Variants in PRKG1 observed in about 807,000 individuals in gnomAD.
PRKG1 encodes protein kinase cGMP-dependent 1, also known as cGMP-dependent protein kinase 1.
In PRKG1, 35 loss-of-function variants were observed where a neutral mutation model predicts 88.1. The observed-to-expected ratio is 0.40, with a 90% CI of 0.30 to 0.53. The LOEUF is 0.53. Ranked by LOEUF, PRKG1 falls within the 20% of genes least tolerant of loss-of-function variation. The pLI, the probability that PRKG1 is intolerant of heterozygous loss-of-function variation, is 0.59. For missense variants in PRKG1, 540 were observed against 839.8 expected (o/e 0.64, Z 4.41); for synonymous variants, 303 against 292.5 (o/e 1.04, Z -0.37).
Position 51,289,977 on chromosome 10 carries a change from G to A in PRKG1, c.478+136647G>A, listed in dbSNP as rs148223896. Among the ~76,000 whole-genome samples the A allele has an allele frequency of 5.0e-3, 756 of 152,186 alleles. 7 individuals are homozygous for A. The highest frequency in any genetic ancestry group is 0.031 in the Middle Eastern group (9 of 294). On this transcript the variant is annotated intron_variant, in intron 2 of 17. Transcript: ENST00000373980. ...TTTTTGGATGGTATTCTCTTTTGCA[G>A]GTTCAGTTTTTGACTTAGACACCTT...
chr10:51,469,807 A>G (rs777781712), intron 3 of PRKG1, among the ~76,000 whole-genome samples: 49 of 152,034 alleles, frequency 3.2e-4, no homozygotes, highest in Non-Finnish European at 6.0e-4. Flanking sequence ...TACTTAAGAT[A>G]TAAAAGTTGT....
intron 3 of PRKG1, among the ~76,000 whole-genome samples, chr10:51,760,290 A>T (rs1333734535): frequency 1.3e-5 from 2 of 152,186 alleles, no homozygotes; most frequent in African/African-American, 2.4e-5. Flanking sequence ...ACTGTCAGTA[A>T]GCATGATAAA....
chr10:52,265,337 T>C (rs574490842), intron 10 of PRKG1, among the ~76,000 whole-genome samples: 1 of 152,270 alleles, frequency 6.6e-6, no homozygotes, highest in South Asian at 2.1e-4. Flanking sequence ...TATGGGACTT[T>C]TGCATAATAA....
At chr10:51,349,828 G>A (rs537387024) in intron 2 of PRKG1, among the ~76,000 whole-genome samples, 24 of 152,120 alleles carry the variant, frequency 1.6e-4, no homozygotes, top group African/African-American at 5.8e-4. Flanking sequence ...TCTTTAAGCT[G>A]AGTACACATT....
chr10:51,758,082 A>G (rs1837916983), intron 3 of PRKG1, among the ~76,000 whole-genome samples: 1 of 152,196 alleles, frequency 6.6e-6, no homozygotes, highest in South Asian at 2.1e-4. Flanking sequence ...AAATTACACA[A>G]TTTATCACAT....
chr10:52,022,137 T>C (rs1256869761), intron 5 of PRKG1, among the ~76,000 whole-genome samples: 2 of 152,216 alleles, frequency 1.3e-5, no homozygotes, highest in Non-Finnish European at 2.9e-5. Flanking sequence ...AAATGACTGA[T>C]ACTCTACAGT....
chr10:52,251,541 T>C (rs1841169063), intron 9 of PRKG1, 29 bp from the exon 10 acceptor site: 4 of 1,585,836 alleles, frequency 2.5e-6, no homozygotes, highest in Admixed American at 3.3e-5. Context: ...CTCTAAGAAA[T>C]TTCCATTTTT....
At chr10:52,045,637 T>C (rs1051055348) in intron 5 of PRKG1, among the ~76,000 whole-genome samples, 1 of 152,072 alleles carries the variant, frequency 6.6e-6, no homozygotes, top group Non-Finnish European at 1.5e-5. Flanking sequence ...CTAGGCAAGT[T>C]TGGTGTCTTG....
Position 52,042,669 on chromosome 10 carries a change from A to AT in PRKG1, c.763-11809dup, listed in dbSNP as rs1182962560. Reference sequence around the variant, plus strand: ...CTTCATTACATTGATCTGGGCAATAATTTTTTAGTAAAACCTCAAAAGCAC... The same window carrying AT: ...CTTCATTACATTGATCTGGGCAATAATTTTTTTAGTAAAACCTCAAAAGCAC... On this transcript the variant is annotated intron_variant, in intron 5 of 17. Coordinates refer to ENST00000373980, the MANE Select transcript of PRKG1 (RefSeq NM_006258.4). Among the ~76,000 whole-genome samples the AT allele has an allele frequency of 4.6e-5, 7 of 152,114 alleles. No homozygotes were observed. In the East Asian group the frequency reaches 1.3e-3, roughly 29 times the overall value.
At chr10:51,068,580 T>A (rs1369211418) in intron 1 of PRKG1, 2 of 152,010 alleles carry the variant, frequency 1.3e-5, no homozygotes, top group African/African-American at 4.8e-5. Context: ...CCAAGTTATA[T>A]CAACTGCTAA....
chr10:51,340,804 C>T (rs1165989291), intron 2 of PRKG1, among the ~76,000 whole-genome samples: 1 of 152,138 alleles, frequency 6.6e-6, no homozygotes, highest in Non-Finnish European at 1.5e-5. Context: ...TATCTGAAGT[C>T]TCAAAAGCAT....
intron 9 of PRKG1, chr10:52,242,047 G>C (rs1331508547): frequency 6.6e-6 from 1 of 152,210 alleles, no homozygotes; most frequent in Non-Finnish European, 1.5e-5. Context: ...GAGCTCTGTA[G>C]TAATGCATGA....
intron 3 of PRKG1, among the ~76,000 whole-genome samples, chr10:51,535,725 A>AT (rs34150180): frequency 0.12 from 17,972 of 144,974 alleles, 1,402 homozygotes; most frequent in African/African-American, 0.22. Flanking sequence ...GAAATCAATG[A>AT]TTTTTTTTTT....
chr10:51,220,428 TG>T (rs1838498198), intron 2 of PRKG1, among the ~76,000 whole-genome samples: 1 of 152,186 alleles, frequency 6.6e-6, no homozygotes, highest in Admixed American at 6.5e-5. Context: ...TTGAAGGGTG[TG>T]TTTTAAACAG....
Position 52,194,282 on chromosome 10 carries a change from T to G in PRKG1, c.1076+32319T>G, listed in dbSNP as rs186106238. ...TTAGGCCACTGCACATATTCTTATC[T>G]GTCTAAATAATTGAAGCTCCTAATA... is the stretch of plus-strand genomic sequence containing the variant. On this transcript the variant is annotated intron_variant, in intron 9 of 17. Coordinates refer to ENST00000373980, the MANE Select transcript of PRKG1 (RefSeq NM_006258.4). Among the ~76,000 whole-genome samples the G allele has an allele frequency of 1.4e-4, 22 of 152,288 alleles. No homozygotes were observed. The East Asian group carries it at 3.3e-3, about 23-fold the overall frequency.
Position 51,421,466 on chromosome 10 carries a change from A to G in PRKG1, c.479-46257A>G, listed in dbSNP as rs1346378174. Among the ~76,000 whole-genome samples, 4 of 152,258 alleles carry G rather than the reference A, an allele frequency of 2.6e-5. No individual in the cohort carries two copies. The East Asian group carries it at 7.7e-4, about 29-fold the overall frequency. ...AGTGCTGGGATTACAAGAGTGAGGC[A>G]CTGTGCCTGGCCCCGATACCTTTTA... On this transcript the variant is annotated intron_variant, in intron 2 of 17. Coordinates refer to ENST00000373980, the MANE Select transcript of PRKG1 (RefSeq NM_006258.4).
intron 2 of PRKG1, among the ~76,000 whole-genome samples, chr10:51,235,125 C>T (rs905551759): frequency 6.6e-6 from 1 of 152,072 alleles, no homozygotes; most frequent in Non-Finnish European, 1.5e-5. Context: ...TGCAGGAAGC[C>T]AGAGTTACCT....
intron 2 of PRKG1, among the ~76,000 whole-genome samples, chr10:51,209,438 A>G (rs530876433): frequency 6.6e-6 from 1 of 152,302 alleles, no homozygotes; most frequent in Non-Finnish European, 1.5e-5. Flanking sequence ...ACCTGGTAAA[A>G]GTAAAATAAT....
intron 3 of PRKG1, among the ~76,000 whole-genome samples, chr10:51,632,755 G>A (rs1052312872): frequency 6.6e-6 from 1 of 152,126 alleles, no homozygotes; most frequent in African/African-American, 2.4e-5. Flanking sequence ...TTTATGTAAG[G>A]AACTCTGATT....
Sources: gnomAD v4.1 joint callset for allele counts (sites outside exome capture counted in the v4.1 genomes callset) on GRCh38, gnomAD v4.1.1 for gene constraint, MANE v1.5 for transcripts, NCBI Gene and HGNC (gene_info 2026-07-23, HGNC 2026-07-21) for gene names.